ZBTB8A: variants seen among roughly 807,000 people sequenced by gnomAD.
ZBTB8A encodes the protein zinc finger and BTB domain containing 8A.
ZBTB8A carries 19 observed loss-of-function variants against 37.8 expected under a neutral mutation model. The ratio of observed to expected loss-of-function variants is 0.50; its 90% CI spans 0.35 to 0.74. The LOEUF is 0.74. ZBTB8A is among the 30% of genes least tolerant of loss of function. The pLI, the probability that ZBTB8A is intolerant of heterozygous loss-of-function variation, is 0.01. For synonymous variants in ZBTB8A, 181 were observed against 185.2 expected (o/e 0.98, Z 0.19); for missense variants, 394 against 537.8 (o/e 0.73, Z 2.65).
chr1:32,585,057 G>A (rs576468987), intron 2 of ZBTB8A, among the ~76,000 whole-genome samples: 3 of 141,328 alleles, frequency 2.1e-5, no homozygotes, highest in Non-Finnish European at 4.6e-5. Context: ...TTTGAGAAGG[G>A]TCTTGCTCTG....
intron 1 of ZBTB8A, among the ~76,000 whole-genome samples, chr1:32,550,197 G>C (rs764107479): frequency 7.2e-5 from 11 of 151,926 alleles, no homozygotes; most frequent in Non-Finnish European, 1.0e-4. Context: ...TTAAAAAAAG[G>C]ATCCTGAGTG....
At chr1:32,540,011 C>A (rs1644039688) in intron 1 of ZBTB8A, among the ~76,000 whole-genome samples, 1 of 151,212 alleles carries the variant, frequency 6.6e-6, no homozygotes, top group African/African-American at 2.4e-5. Flanking sequence ...TCTGCGGGCG[C>A]GGCCAGGGGC....
intron 2 of ZBTB8A, among the ~76,000 whole-genome samples, chr1:32,580,115 C>G (rs148689870): frequency 3.3e-5 from 5 of 151,854 alleles, no homozygotes; most frequent in Admixed American, 6.6e-5. Flanking sequence ...AATCCCAGAA[C>G]TTGAAGCTCA....
In ZBTB8A at chr1:32,541,692, C is replaced by G. The variant is rs146786820; in HGVS notation, c.-84+2120C>G. On this transcript the variant is annotated intron_variant, in intron 1 of 4. Coordinates refer to ENST00000373510, the MANE Select transcript of ZBTB8A (RefSeq NM_001040441.3). Reference sequence around the variant, plus strand: ...AGATGGCACCGTGTTGCTGCATCCTCTGGATGGGAGGACTGCTGTGTCCTC... The same window carrying G: ...AGATGGCACCGTGTTGCTGCATCCTGTGGATGGGAGGACTGCTGTGTCCTC... 3.2e-4 allele frequency among the ~76,000 whole-genome samples: 49 copies of G among 152,282 alleles called. 1 individual carries two copies. The highest frequency in any genetic ancestry group is 3.4e-3 in the Middle Eastern group (1 of 294).
At chr1:32,579,162 A>G (rs1032214122) in intron 2 of ZBTB8A, among the ~76,000 whole-genome samples, 1 of 152,112 alleles carries the variant, frequency 6.6e-6, no homozygotes, top group African/African-American at 2.4e-5. Flanking sequence ...CAAAACTTAA[A>G]TATCAGCCAG....
rs2148259268 is a variant in ZBTB8A at position 32,604,180 on chromosome 1, A to G, written c.*3761A>G. The G allele has an allele frequency of 6.6e-6, 1 of 152,278 alleles. No homozygotes were observed. Among genetic ancestry groups the G allele is most frequent in the South Asian group, 2.1e-4 (1 of 4,828 alleles). 9.4% of individuals were successfully genotyped at this position (152,278 alleles called of 1,614,324 possible). A position where few individuals can be genotyped will look rare whatever the true frequency, so the allele number is the denominator to read the frequency against. ...ACCCTCAAGAGTGTCTGGGTATAGG[A>G]TGAAGCATTACAAAAAGAAAGCACC... is the stretch of plus-strand genomic sequence containing the variant. On this transcript the variant is annotated 3_prime_UTR_variant, in exon 5 of 5. Coordinates refer to ENST00000373510, the MANE Select transcript of ZBTB8A (RefSeq NM_001040441.3).
intron 2 of ZBTB8A, among the ~76,000 whole-genome samples, chr1:32,590,028 G>A (rs1398316670): frequency 1.3e-5 from 2 of 151,936 alleles, no homozygotes; most frequent in African/African-American, 4.8e-5. Context: ...CTTCTGCAAG[G>A]TGCCCTGAAG....
chr1:32,548,633 C>T (rs1161742516), intron 1 of ZBTB8A, among the ~76,000 whole-genome samples: 1 of 152,134 alleles, frequency 6.6e-6, no homozygotes, highest in Non-Finnish European at 1.5e-5. Flanking sequence ...CTTTCTGTAT[C>T]CCCATTTGTA....
At chr1:32,564,824 G>A (rs1412725437) in intron 2 of ZBTB8A, among the ~76,000 whole-genome samples, 1 of 152,048 alleles carries the variant, frequency 6.6e-6, no homozygotes, top group South Asian at 2.1e-4. Context: ...TCATTTAACT[G>A]CAGCAAAATT....
chr1:32,545,401 G>T (rs1167366551), intron 1 of ZBTB8A, among the ~76,000 whole-genome samples: 1 of 151,930 alleles, frequency 6.6e-6, no homozygotes, highest in Non-Finnish European at 1.5e-5. Flanking sequence ...TTATTTTAGC[G>T]ATTATCTTAT....
At chr1:32,554,024 ACCCC>A (rs1373535208) in intron 2 of ZBTB8A, among the ~76,000 whole-genome samples, 2 of 151,866 alleles carry the variant, frequency 1.3e-5, no homozygotes, top group African/African-American at 4.8e-5. Flanking sequence ...ACATGGCAAA[ACCCC>A]ATCTCTATTA....
chr1:32,582,411 G>T (rs960312600), intron 2 of ZBTB8A, among the ~76,000 whole-genome samples: 3 of 152,102 alleles, frequency 2.0e-5, no homozygotes, highest in African/African-American at 7.2e-5. Context: ...ACTTTGGGAG[G>T]CCAAGGTGGG....
At chr1:32,574,806 T>G (rs545458812) in intron 2 of ZBTB8A, among the ~76,000 whole-genome samples, 6 of 152,302 alleles carry the variant, frequency 3.9e-5, no homozygotes, top group Admixed American at 2.0e-4. Flanking sequence ...AGACAGGATC[T>G]CACTCTGTCA....
chr1:32,598,543 A>T (rs937856606), intron 4 of ZBTB8A, among the ~76,000 whole-genome samples: 5 of 151,904 alleles, frequency 3.3e-5, no homozygotes, highest in Non-Finnish European at 7.4e-5. Context: ...AGCTTCTTGG[A>T]GTTTTTTACT....
chr1:32,573,518 G>A (rs1213642617), intron 2 of ZBTB8A, among the ~76,000 whole-genome samples: 7 of 149,568 alleles, frequency 4.7e-5, no homozygotes, highest in African/African-American at 1.7e-4. Flanking sequence ...CTGCAGCCTC[G>A]ACTTCCTGGG....
At position 32,589,744 on chromosome 1, in the gene ZBTB8A, G is replaced by A. The variant is rs150549177; in HGVS notation, c.-1-3187G>A. ...TTTTGGTATTTTTAGTAGAGACGGG[G>A]TTTCACCATGCTGGCCAGGCTGGTC... On this transcript the variant is annotated intron_variant, in intron 2 of 4. Coordinates refer to ENST00000373510, the MANE Select transcript of ZBTB8A (RefSeq NM_001040441.3). 7.6e-3 allele frequency among the ~76,000 whole-genome samples: 1,155 copies of A among 151,430 alleles called. 24 individuals carry two copies. The highest frequency in any genetic ancestry group is 0.026 in the African/African-American group (1,070 of 41,134).
chr1:32,575,633 A>G (rs1644354252), intron 2 of ZBTB8A, among the ~76,000 whole-genome samples: 1 of 151,400 alleles, frequency 6.6e-6, no homozygotes, highest in Non-Finnish European at 1.5e-5. Context: ...AGGATCGCTT[A>G]GGGCCGGGAG....
At chr1:32,596,369 CA>C (rs760050080) in intron 4 of ZBTB8A, among the ~76,000 whole-genome samples, 182 of 103,660 alleles carry the variant, frequency 1.8e-3, no homozygotes, top group Middle Eastern at 6.2e-3. Flanking sequence ...GACTCCATCT[CA>C]AAAAAAAAAA....
intron 1 of ZBTB8A, among the ~76,000 whole-genome samples, chr1:32,541,201 T>C (rs1191058923): frequency 6.6e-6 from 1 of 152,226 alleles, no homozygotes; most frequent in Non-Finnish European, 1.5e-5. Flanking sequence ...AATTGGTCAG[T>C]GGCTCCCCAT....
Sources: allele counts gnomAD v4.1 joint callset (sites outside exome capture counted in the v4.1 genomes callset), GRCh38; gene constraint gnomAD v4.1.1; transcripts MANE v1.5; gene names NCBI Gene and HGNC (gene_info 2026-07-23, HGNC 2026-07-21).